The following GALNTL6 variants were observed in gnomAD, a reference collection of about 807,000 sequenced individuals.
The protein encoded by GALNTL6 is polypeptide N-acetylgalactosaminyltransferase-like 6.
Under a neutral mutation model 73.7 loss-of-function variants are expected in GALNTL6, and 46 were observed. The ratio of observed to expected loss-of-function variants is 0.62; its 90% CI spans 0.49 to 0.80. The LOEUF (loss-of-function observed/expected upper bound fraction) is 0.80. GALNTL6 is among the 30% of genes least tolerant of loss of function. The probability of loss-of-function intolerance (pLI) is 0.00; values close to 1 mark genes in which losing one functional copy is unlikely to be tolerated. For missense variants in GALNTL6, 604 were observed against 755.0 expected, an observed-to-expected ratio of 0.80 and a Z score of 2.34; for synonymous variants, 259 against 263.7, an observed-to-expected ratio of 0.98 and a Z score of 0.17.
chr4:172,737,407 C>T (rs779744377), intron 5 of GALNTL6, among the ~76,000 whole-genome samples: 3 of 151,996 alleles, frequency 2.0e-5, no homozygotes, highest in Non-Finnish European at 4.4e-5. Context: ...CTGTTAAGAG[C>T]CTCTAATGTG....
rs1267101323 is a variant in GALNTL6 at position 172,015,714 on chromosome 4, A to AT, written c.138+201003dup. On this transcript the variant is annotated intron_variant, in intron 2 of 12. Transcript: ENST00000506823. ...TTCAAGATTTAGAACTCATTTTAGC[A>AT]TTTTTTTAGTTTTGGCTTGGTAGTG... Among the ~76,000 whole-genome samples, 4 of 151,980 alleles carry AT rather than the reference A, an allele frequency of 2.6e-5. No homozygotes were observed. The South Asian group carries it at 6.2e-4, about 24-fold the overall frequency.
chr4:171,975,595 C>A (rs1739697288), intron 2 of GALNTL6, among the ~76,000 whole-genome samples: 5 of 151,378 alleles, frequency 3.3e-5, no homozygotes, highest in Admixed American at 3.3e-4. Flanking sequence ...TAGAGAAAAG[C>A]AAAAGCAAAA....
chr4:172,993,568 T>G (rs1751636587), intron 10 of GALNTL6, among the ~76,000 whole-genome samples: 1 of 152,228 alleles, frequency 6.6e-6, no homozygotes, highest in Non-Finnish European at 1.5e-5. Context: ...TCATGGCTAC[T>G]TGATGAGCTT....
At chr4:172,429,013 C>T (rs1275550483) in intron 5 of GALNTL6, among the ~76,000 whole-genome samples, 1 of 152,026 alleles carries the variant, frequency 6.6e-6, no homozygotes, top group Non-Finnish European at 1.5e-5. Flanking sequence ...GCTGAGATCC[C>T]GCTTTCTGGT....
intron 2 of GALNTL6, among the ~76,000 whole-genome samples, chr4:172,049,721 T>C (rs1219969361): frequency 6.6e-6 from 1 of 152,078 alleles, no homozygotes; most frequent in Non-Finnish European, 1.5e-5. Context: ...CAGCGGCTCA[T>C]GCCTGTAATC....
chr4:172,219,298 T>C (rs548088886), intron 2 of GALNTL6, among the ~76,000 whole-genome samples: 2 of 150,464 alleles, frequency 1.3e-5, no homozygotes, highest in South Asian at 4.2e-4. Flanking sequence ...AATTATTCCT[T>C]GGCATCTATG....
chr4:172,390,477 G>A (rs72988242), intron 5 of GALNTL6, among the ~76,000 whole-genome samples: 4,726 of 152,266 alleles, frequency 0.031, 239 homozygotes, highest in African/African-American at 0.1. Flanking sequence ...ACTCTGAGTA[G>A]CATGATAAAA....
At chr4:172,744,023 G>A (rs1736954489) in intron 5 of GALNTL6, among the ~76,000 whole-genome samples, 1 of 152,028 alleles carries the variant, frequency 6.6e-6, no homozygotes, top group South Asian at 2.1e-4. Flanking sequence ...CCTCTAGAGG[G>A]GAAACTCCAA....
chr4:172,795,139 C>T (rs1391001361), intron 5 of GALNTL6, among the ~76,000 whole-genome samples: 1 of 152,106 alleles, frequency 6.6e-6, no homozygotes, highest in African/African-American at 2.4e-5. Flanking sequence ...AGAAGGTTTG[C>T]TTTCTAGGAG....
chr4:171,830,534 G>T (rs1327549958), intron 2 of GALNTL6, among the ~76,000 whole-genome samples: 4 of 152,114 alleles, frequency 2.6e-5, no homozygotes, highest in Non-Finnish European at 5.9e-5. Flanking sequence ...ATCAAAATAT[G>T]TATAAATATC....
In GALNTL6 at chr4:172,177,549, G is replaced by A. The variant is rs542469026; in HGVS notation, c.139-52107G>A. Among the ~76,000 whole-genome samples, 7 of 151,880 alleles carry A rather than the reference G, an allele frequency of 4.6e-5. No homozygotes were observed. The South Asian group carries it at 1.5e-3, about 32-fold the overall frequency. ...TTGAACAGAATGAGAATATTTACTTGTCTTTCTTAGTTGAATGACACATTT... is the reference window on the plus strand; with the variant it reads ...TTGAACAGAATGAGAATATTTACTTATCTTTCTTAGTTGAATGACACATTT... On this transcript the variant is annotated intron_variant, in intron 2 of 12. Transcript: ENST00000506823.
intron 5 of GALNTL6, among the ~76,000 whole-genome samples, chr4:172,720,432 C>T (rs1397600365): frequency 2.0e-5 from 3 of 152,114 alleles, no homozygotes; most frequent in Admixed American, 2.0e-4. Context: ...CTGAACTTCC[C>T]GAGGCTCCAC....
intron 2 of GALNTL6, among the ~76,000 whole-genome samples, chr4:172,111,723 C>A (rs1039898386): frequency 6.6e-6 from 1 of 152,030 alleles, no homozygotes. Context: ...ATTTGTAGTA[C>A]TACTACTTAT....
chr4:172,257,411 T>C (rs1738116962), intron 3 of GALNTL6, among the ~76,000 whole-genome samples: 1 of 151,444 alleles, frequency 6.6e-6, no homozygotes, highest in South Asian at 2.1e-4. Flanking sequence ...GAAGGAAGCA[T>C]GAGCTGCAAG....
At chr4:172,446,999 T>C (rs1223645227) in intron 5 of GALNTL6, among the ~76,000 whole-genome samples, 1 of 152,162 alleles carries the variant, frequency 6.6e-6, no homozygotes, top group Admixed American at 6.6e-5. Flanking sequence ...CATATATTCC[T>C]ACTTGAGGTC....
At chr4:171,992,025 A>C (rs745882305) in intron 2 of GALNTL6, among the ~76,000 whole-genome samples, 8 of 151,916 alleles carry the variant, frequency 5.3e-5, no homozygotes, top group Non-Finnish European at 8.8e-5. Flanking sequence ...CTCTTTTGTG[A>C]GAACGAATTA....
intron 2 of GALNTL6, among the ~76,000 whole-genome samples, chr4:171,885,764 C>A (rs1337820216): frequency 6.6e-6 from 1 of 152,032 alleles, no homozygotes; most frequent in Non-Finnish European, 1.5e-5. Context: ...ATGATTGCAC[C>A]ACTACACTCC....
At chr4:171,840,052 G>C (rs546282155) in intron 2 of GALNTL6, among the ~76,000 whole-genome samples, 1 of 152,252 alleles carries the variant, frequency 6.6e-6, no homozygotes, top group South Asian at 2.1e-4. Context: ...GTAAATTACT[G>C]AAGTAGTGCC....
intron 2 of GALNTL6, among the ~76,000 whole-genome samples, chr4:171,897,823 G>A (rs1426358868): frequency 6.6e-6 from 1 of 151,206 alleles, no homozygotes; most frequent in East Asian, 2.0e-4. Flanking sequence ...AGCTACTCGG[G>A]AGGCTGAGGC....
Sources: allele counts gnomAD v4.1 joint callset (sites outside exome capture counted in the v4.1 genomes callset), GRCh38; gene constraint gnomAD v4.1.1; transcripts MANE v1.5; gene names NCBI Gene and HGNC (gene_info 2026-07-23, HGNC 2026-07-21).